HIF1A: variants seen among roughly 807,000 people sequenced by gnomAD.
HIF1A encodes the protein hypoxia-inducible factor 1-alpha.
Under a neutral mutation model 92.7 loss-of-function variants are expected in HIF1A, and 24 were observed. The ratio of observed to expected loss-of-function variants is 0.26; its 90% CI spans 0.19 to 0.36. The LOEUF (loss-of-function observed/expected upper bound fraction) is 0.36. HIF1A is among the 10% of genes least tolerant of loss of function. HIF1A has a pLI of 1.00. For missense variants in HIF1A, 799 were observed against 998.5 expected, an observed-to-expected ratio of 0.80 and a Z score of 2.69; for synonymous variants, 319 against 338.7, an observed-to-expected ratio of 0.94 and a Z score of 0.64.
intron 4 of HIF1A, among the ~76,000 whole-genome samples, chr14:61,724,380 T>TCTCTCTCTCTCTCTCTCTCTCC (rs771152491): frequency 3.8e-4 from 53 of 139,692 alleles, no homozygotes; most frequent in Middle Eastern, 3.6e-3. Context: ...TCTCTCTCTC[T>TCTCTCTCTCTCTCTCTCTCTCC]CCCCCTCCCT....
At chr14:61,703,692 GT>G (rs1003953468) in intron 1 of HIF1A, among the ~76,000 whole-genome samples, 1 of 151,698 alleles carries the variant, frequency 6.6e-6, no homozygotes, top group African/African-American at 2.4e-5. Flanking sequence ...AGAAGAAAAC[GT>G]TTTGCCCTAC....
chr14:61,714,196 T>A (rs961715828), intron 1 of HIF1A, among the ~76,000 whole-genome samples: 2 of 152,194 alleles, frequency 1.3e-5, no homozygotes, highest in Non-Finnish European at 2.9e-5. Flanking sequence ...GCTGGAACGT[T>A]CAAAAATCTA....
At chr14:61,720,662 T>A in intron 2 of HIF1A, 90 bp downstream of exon 2, 1 of 770,556 alleles carries the variant, frequency 1.3e-6, no homozygotes, top group Non-Finnish European at 2.0e-6. Context: ...CGCAATGTTT[T>A]GATTTTGTAT....
Position 61,740,629 on chromosome 14 carries a change from T to C in HIF1A, c.1659+2T>C. 6.3e-7 allele frequency: 1 copy of C among 1,582,618 alleles called. No individual in the cohort carries two copies. The highest frequency in any genetic ancestry group is 8.5e-7 in the Non-Finnish European group (1 of 1,170,198). ...GCAAAGAACCCATTTTCTACTCAGG[T>C]ATATGAACTTATTTGTTTTATATTA... On this transcript the variant is annotated splice_donor_variant, in intron 11 of 14. Coordinates refer to ENST00000337138, the MANE Select transcript of HIF1A (RefSeq NM_001530.4). LOFTEE classifies it high-confidence loss of function.
rs371938668 is a variant in HIF1A, at chr14:61,741,207, C to A, written c.2093+19C>A. On this transcript the variant is annotated intron_variant, in intron 12 of 14. Transcript: ENST00000337138. ...GTCAAAGGTATTTATATGTAACATT[C>A]AAGTTATAGTTCTTTTATTATTTTT... 70 of 1,484,862 alleles carry A rather than the reference C, an allele frequency of 4.7e-5. No individual in the cohort carries two copies. The highest frequency in any genetic ancestry group is 8.3e-5 in the Admixed American group (4 of 48,334). The allele number at this position is 1,484,862 out of a possible 1,614,324, so 92.0% of individuals were successfully genotyped here. A position where few individuals can be genotyped will look rare whatever the true frequency, so the allele number is the denominator to read the frequency against.
At chr14:61,719,074 G>A (rs1025279593) in intron 1 of HIF1A, among the ~76,000 whole-genome samples, 10 of 152,172 alleles carry the variant, frequency 6.6e-5, no homozygotes, top group African/African-American at 2.4e-4. Flanking sequence ...TGCTTCTATG[G>A]TTGTACCTTT....
chr14:61,718,924 A>G (rs757660289), intron 1 of HIF1A, among the ~76,000 whole-genome samples: 4 of 152,184 alleles, frequency 2.6e-5, no homozygotes, highest in Non-Finnish European at 2.9e-5. Flanking sequence ...ACATGCTTAC[A>G]TTCCTTATTA....
chr14:61,738,474 AC>A, intron 10 of HIF1A, 101 bp downstream of exon 10: 10 of 1,068,098 alleles, frequency 9.4e-6, no homozygotes, highest in South Asian at 1.6e-5. Context: ...ACCACAAATT[AC>A]ATTTGTGTGT....
At chr14:61,740,727 A>G in intron 11 of HIF1A, 28 bp from the exon 12 acceptor site, 2 of 1,580,350 alleles carry the variant, frequency 1.3e-6, no homozygotes, top group Non-Finnish European at 1.7e-6. Context: ...TGGCCATTGT[A>G]AAAACTCATG....
intron 12 of HIF1A, 131 bp downstream of exon 12, chr14:61,741,319 C>A: frequency 7.1e-6 from 4 of 559,518 alleles, no homozygotes; most frequent in Non-Finnish European, 1.2e-5. Flanking sequence ...CTTGAGAACT[C>A]AAAAAACTTT....
chr14:61,728,569 G>C (rs966025576), intron 6 of HIF1A, among the ~76,000 whole-genome samples: 1 of 152,262 alleles, frequency 6.6e-6, no homozygotes, highest in Admixed American at 6.5e-5. Context: ...ATACACACAT[G>C]ACTCCAGCAA....
At chr14:61,741,743 A>AG (rs1220804682) in intron 12 of HIF1A, among the ~76,000 whole-genome samples, 5 of 152,200 alleles carry the variant, frequency 3.3e-5, no homozygotes, top group Admixed American at 6.5e-5. Flanking sequence ...CACCTTTAAA[A>AG]TAAAATCCAG....
intron 6 of HIF1A, among the ~76,000 whole-genome samples, chr14:61,729,659 C>T (rs1228795226): frequency 6.6e-6 from 1 of 151,948 alleles, no homozygotes; most frequent in East Asian, 1.9e-4. Flanking sequence ...AGATTTCCAT[C>T]CTATTTTGAG....
intron 1 of HIF1A, among the ~76,000 whole-genome samples, chr14:61,718,945 G>A (rs1350866070): frequency 2.0e-5 from 3 of 152,072 alleles, no homozygotes; most frequent in Non-Finnish European, 2.9e-5. Context: ...AAGTATAAAA[G>A]TCCTATAAAC....
intron 1 of HIF1A, among the ~76,000 whole-genome samples, chr14:61,704,791 A>C (rs1214729305): frequency 3.9e-5 from 6 of 152,176 alleles, no homozygotes; most frequent in Non-Finnish European, 8.8e-5. Flanking sequence ...TCATTTATTC[A>C]ACAGGTATTT....
intron 1 of HIF1A, among the ~76,000 whole-genome samples, chr14:61,700,769 T>A (rs2044168635): frequency 6.6e-6 from 1 of 152,252 alleles, no homozygotes; most frequent in Admixed American, 6.5e-5. Context: ...AGGGTTCCTA[T>A]TTCTCCACAT....
chr14:61,732,044 G>T (rs1057138620), intron 6 of HIF1A, among the ~76,000 whole-genome samples: 1 of 152,188 alleles, frequency 6.6e-6, no homozygotes, highest in African/African-American at 2.4e-5. Flanking sequence ...GCTGAGGCAG[G>T]GGAATCGCTT....
chr14:61,709,389 C>A (rs2044281206), intron 1 of HIF1A, among the ~76,000 whole-genome samples: 1 of 152,154 alleles, frequency 6.6e-6, no homozygotes, highest in Non-Finnish European at 1.5e-5. Context: ...AATAAATTAA[C>A]ATGTAAATGA....
chr14:61,702,048 C>G (rs182352961), intron 1 of HIF1A, among the ~76,000 whole-genome samples: 1 of 152,014 alleles, frequency 6.6e-6, no homozygotes, highest in African/African-American at 2.4e-5. Context: ...ACAGTGAGCT[C>G]TTAATAAGTA....
Sources: allele counts gnomAD v4.1 joint callset (sites outside exome capture counted in the v4.1 genomes callset), GRCh38; gene constraint gnomAD v4.1.1; transcripts MANE v1.5; gene names NCBI Gene and HGNC (gene_info 2026-07-23, HGNC 2026-07-21).